The following PINX1 variants were observed in gnomAD, a reference collection of about 807,000 sequenced individuals.
The protein encoded by PINX1 is PIN2/TERF1-interacting telomerase inhibitor 1.
A neutral mutation model predicts 25.4 loss-of-function variants in PINX1; 34 were observed. The observed-to-expected ratio is 1.34, with a 90% confidence interval of 1.02 to 1.78. PINX1 has a LOEUF of 1.78. Among genes scored for constraint, PINX1 ranks in the 40% most tolerant of loss-of-function variants. The pLI is 0.00. For synonymous variants in PINX1, 197 were observed against 147.7 expected (o/e 1.33, Z -2.42); for missense variants, 592 against 404.9 (o/e 1.46, Z -3.97).
At chr8:10,782,160 C>T (rs888114601) in intron 6 of PINX1, among the ~76,000 whole-genome samples, 14 of 152,222 alleles carry the variant, frequency 9.2e-5, no homozygotes, top group African/African-American at 3.4e-4. Flanking sequence ...AATGTGGTTA[C>T]TGGAGCAGGG....
intron 6 of PINX1, among the ~76,000 whole-genome samples, chr8:10,785,658 C>T (rs984962493): frequency 1.3e-5 from 2 of 152,178 alleles, no homozygotes; most frequent in Admixed American, 1.3e-4. Flanking sequence ...AGTTCTCAAA[C>T]CCCAAACTCA....
intron 6 of PINX1, among the ~76,000 whole-genome samples, chr8:10,768,292 G>A (rs1053565456): frequency 6.6e-6 from 1 of 152,226 alleles, no homozygotes; most frequent in Non-Finnish European, 1.5e-5. Context: ...TCAGATCTGA[G>A]TCGAATCCTA....
chr8:10,839,188 CAACT>C (rs1554496850), intron 1 of PINX1, among the ~76,000 whole-genome samples: 8 of 152,086 alleles, frequency 5.3e-5, no homozygotes, highest in Non-Finnish European at 1.5e-5. Flanking sequence ...GCGCTGTGGC[CAACT>C]AACAAGGTCA....
intron 6 of PINX1, among the ~76,000 whole-genome samples, chr8:10,782,245 A>C (rs570896708): frequency 6.6e-6 from 1 of 152,148 alleles, no homozygotes; most frequent in South Asian, 2.1e-4. Context: ...ACTGTACCTT[A>C]GCTCTCTGCA....
At chr8:10,834,864 T>C in intron 1 of PINX1, 89 bp from the exon 2 acceptor site, 1 of 807,756 alleles carries the variant, frequency 1.2e-6, no homozygotes, top group Non-Finnish European at 2.0e-6. Flanking sequence ...TTGTGTATTT[T>C]ATGTATGTAT....
chr8:10,771,644 C>T (rs1222764665), intron 6 of PINX1, among the ~76,000 whole-genome samples: 2 of 152,290 alleles, frequency 1.3e-5, no homozygotes, highest in East Asian at 3.9e-4. Context: ...CCCAGCTGGA[C>T]CAAGGCTGTG....
intron 6 of PINX1, among the ~76,000 whole-genome samples, chr8:10,774,178 G>GA (rs1047541164): frequency 2.0e-5 from 3 of 152,146 alleles, no homozygotes; most frequent in African/African-American, 7.2e-5. Flanking sequence ...GAAAATTGCT[G>GA]AAGAACCATG....
At chr8:10,831,624 A>T (rs765172750) in intron 4 of PINX1, 41 bp downstream of exon 4, 2 of 1,228,608 alleles carry the variant, frequency 1.6e-6, no homozygotes, top group East Asian at 4.9e-5. Context: ...AAGTAGATAA[A>T]CATATTTGCA....
Position 10,839,766 on chromosome 8 carries a change from C to A in PINX1, c.-10G>T. The A allele has an allele frequency of 6.2e-7, 1 of 1,601,934 alleles. No homozygotes were observed. The highest frequency in any genetic ancestry group is 1.7e-5 in the Admixed American group (1 of 58,886). On this transcript the variant is annotated 5_prime_UTR_variant, in exon 1 of 7. Transcript: ENST00000314787. ...CAGCCAGCATAGACATGTCGGAGAG[C>A]CTGTGATACCGCCGCCTCTGGACCT...
At chr8:10,766,061 C>G in intron 6 of PINX1, 145 bp from the exon 7 acceptor site, 1 of 758,432 alleles carries the variant, frequency 1.3e-6, no homozygotes, top group Non-Finnish European at 2.2e-6. Flanking sequence ...ACTTAGGAGA[C>G]AAGGCTGAGT....
intron 6 of PINX1, among the ~76,000 whole-genome samples, chr8:10,815,366 C>A (rs1169465799): frequency 6.6e-6 from 1 of 152,162 alleles, no homozygotes; most frequent in Non-Finnish European, 1.5e-5. Context: ...ATATAATTTT[C>A]TTTTAATTTC....
intron 6 of PINX1, among the ~76,000 whole-genome samples, chr8:10,768,295 G>T (rs1301916574): frequency 6.6e-6 from 1 of 152,212 alleles, no homozygotes; most frequent in South Asian, 2.1e-4. Flanking sequence ...GATCTGAGTC[G>T]AATCCTATGA....
chr8:10,839,492 G>A (rs991485578), intron 1 of PINX1, among the ~76,000 whole-genome samples: 1 of 152,224 alleles, frequency 6.6e-6, no homozygotes, highest in Non-Finnish European at 1.5e-5. Context: ...ACGCGACCCA[G>A]GGTGATTCTG....
At chr8:10,794,439 CTT>C (rs371507337) in intron 6 of PINX1, among the ~76,000 whole-genome samples, 1 of 145,684 alleles carries the variant, frequency 6.9e-6, no homozygotes, top group African/African-American at 2.5e-5. Flanking sequence ...CTGTTGCTAC[CTT>C]TTTTTTTTTT....
chr8:10,812,232 G>C (rs1797545392), intron 6 of PINX1, among the ~76,000 whole-genome samples: 1 of 152,184 alleles, frequency 6.6e-6, no homozygotes, highest in African/African-American at 2.4e-5. Flanking sequence ...AAGCGCATAA[G>C]TAGATAAAGC....
intron 6 of PINX1, among the ~76,000 whole-genome samples, chr8:10,766,692 C>G (rs147199468): frequency 5.1e-4 from 78 of 152,318 alleles, no homozygotes; most frequent in African/African-American, 1.8e-3. Context: ...GAGTTACTCA[C>G]ACATAACAGC....
chr8:10,791,496 C>T (rs1472642248), intron 6 of PINX1, among the ~76,000 whole-genome samples: 1 of 152,144 alleles, frequency 6.6e-6, no homozygotes, highest in Admixed American at 6.5e-5. Context: ...CTCGGACCAC[C>T]AACAATCCAC....
At chr8:10,785,531 C>T (rs1456765910) in intron 6 of PINX1, among the ~76,000 whole-genome samples, 1 of 152,176 alleles carries the variant, frequency 6.6e-6, no homozygotes, top group Admixed American at 6.5e-5. Context: ...AATAGGATAG[C>T]ACTCACTTAT....
chr8:10,835,640 C>T (rs925050206), intron 1 of PINX1, among the ~76,000 whole-genome samples: 1 of 152,198 alleles, frequency 6.6e-6, no homozygotes, highest in Non-Finnish European at 1.5e-5. Context: ...ATTAGACCAT[C>T]ATCTCCTTAG....
Sources: gnomAD v4.1 joint callset for allele counts (sites outside exome capture counted in the v4.1 genomes callset) on GRCh38, gnomAD v4.1.1 for gene constraint, MANE v1.5 for transcripts, NCBI Gene and HGNC (gene_info 2026-07-23, HGNC 2026-07-21) for gene names.